SUSD4: variants seen among roughly 807,000 people sequenced by gnomAD.
The protein encoded by SUSD4 is sushi domain-containing protein 4.
In SUSD4, 41 loss-of-function variants were observed where a neutral mutation model predicts 50.5. The ratio of observed to expected loss-of-function variants is 0.81; its 90% CI spans 0.63 to 1.05. SUSD4 has a LOEUF of 1.05. Ranked by LOEUF, SUSD4 falls within the 50% of genes least tolerant of loss-of-function variation. The pLI is 0.00. For synonymous variants in SUSD4, 257 were observed against 257.3 expected (o/e 1.00, Z 0.01); for missense variants, 580 against 634.7 (o/e 0.91, Z 0.93).
chr1:223,357,630 C>T (rs1234597222), intron 2 of SUSD4, among the ~76,000 whole-genome samples: 2 of 152,120 alleles, frequency 1.3e-5, no homozygotes, highest in African/African-American at 2.4e-5. Context: ...TGAGTTGGTA[C>T]GTAATAAGCA....
chr1:223,324,157 G>A (rs1666742594), intron 2 of SUSD4, among the ~76,000 whole-genome samples: 1 of 146,702 alleles, frequency 6.8e-6, no homozygotes, highest in African/African-American at 2.6e-5. Context: ...ATCTAGTATG[G>A]CATCAGGCAC....
rs184371336 is a variant in SUSD4 at position 223,264,438 on chromosome 1, G to A, written c.724+192C>T. On this transcript the variant is annotated intron_variant, in intron 5 of 8. Transcript: ENST00000366878. ...TCTCCTCTTTAAGCCTAAGGATGAG[G>A]GAAGCAAGTTTTACATCTAATTGTA... is the stretch of plus-strand genomic sequence containing the variant. 22 of 1,332,802 alleles carry A rather than the reference G, an allele frequency of 1.7e-5. No individual in the cohort carries two copies. In the East Asian group the frequency reaches 4.9e-4, roughly 30 times the overall value. The allele number at this position is 1,332,802 out of a possible 1,614,324, so 82.6% of individuals were successfully genotyped here.
At chr1:223,348,705 C>A (rs754998479) in intron 2 of SUSD4, among the ~76,000 whole-genome samples, 1 of 152,122 alleles carries the variant, frequency 6.6e-6, no homozygotes, top group Non-Finnish European at 1.5e-5. Flanking sequence ...GTGCGTAAGC[C>A]CAAAACCTCA....
At chr1:223,304,811 T>C (rs1334424535) in intron 2 of SUSD4, among the ~76,000 whole-genome samples, 1 of 18,846 alleles carries the variant, frequency 5.3e-5, no homozygotes, top group Non-Finnish European at 1.3e-4. Flanking sequence ...TATATATATA[T>C]ATATATATAT....
intron 5 of SUSD4, among the ~76,000 whole-genome samples, chr1:223,234,506 A>G (rs919103255): frequency 6.6e-6 from 1 of 152,178 alleles, no homozygotes; most frequent in African/African-American, 2.4e-5. Flanking sequence ...AGCATCCAGC[A>G]TGATTCTTGA....
At chr1:223,340,868 G>C (rs1379455060) in intron 2 of SUSD4, among the ~76,000 whole-genome samples, 1 of 152,178 alleles carries the variant, frequency 6.6e-6, no homozygotes, top group Non-Finnish European at 1.5e-5. Context: ...TAAGCACTTA[G>C]CTGAAACTGA....
intron 2 of SUSD4, among the ~76,000 whole-genome samples, chr1:223,351,900 C>T (rs1045308708): frequency 2.0e-5 from 3 of 151,724 alleles, no homozygotes. Context: ...TGGACGTTAG[C>T]TTAGGCTACA....
chr1:223,356,826 A>G (rs1360949530), intron 2 of SUSD4, among the ~76,000 whole-genome samples: 1 of 152,250 alleles, frequency 6.6e-6, no homozygotes, highest in Non-Finnish European at 1.5e-5. Flanking sequence ...GAAAGCAAAA[A>G]AGAGAGAGAG....
At chr1:223,234,943 GAAC>G (rs1264560661) in intron 5 of SUSD4, 9 of 1,570,298 alleles carry the variant, frequency 5.7e-6, no homozygotes, top group Non-Finnish European at 7.7e-6. Flanking sequence ...TATTGCAGGA[GAAC>G]AACATTTAGA....
At chr1:223,364,918 C>T (rs1669234455), upstream of SUSD4, among the ~76,000 whole-genome samples, 1 of 152,146 alleles carries the variant, frequency 6.6e-6, no homozygotes. This position sits in a 1 kb window ranked among gnomAD's most constrained non-coding sequence, Gnocchi z 4.5. Flanking sequence ...GGCTGAGAGA[C>T]ACTCTCCCCC....
chr1:223,284,061 T>A lies in SUSD4; in HGVS notation c.361+8378A>T, dbSNP rs189044193. Among the ~76,000 whole-genome samples, 810 of 133,738 alleles carry A rather than the reference T, an allele frequency of 6.1e-3. 44 individuals carry two copies. In the East Asian group the frequency reaches 0.13, roughly 22 times the overall value. The allele number at this position is 133,738 out of a possible 152,430, so 87.7% of individuals were successfully genotyped here. ...ACACGTGGACACAGGAAGGGAAACA[T>A]CACACACCAGGGCCTGTTGTGGGAT... On this transcript the variant is annotated intron_variant, in intron 3 of 8. Coordinates refer to ENST00000366878, the MANE Select transcript of SUSD4 (RefSeq NM_017982.4).
chr1:223,236,935 T>C (rs2103014663), intron 5 of SUSD4, among the ~76,000 whole-genome samples: 1 of 152,232 alleles, frequency 6.6e-6, no homozygotes, highest in African/African-American at 2.4e-5. Flanking sequence ...ATAGAGCAAG[T>C]TGGGAAGAAC....
intron 3 of SUSD4, among the ~76,000 whole-genome samples, chr1:223,285,686 T>C (rs1664089887): frequency 6.6e-6 from 1 of 152,216 alleles, no homozygotes; most frequent in Non-Finnish European, 1.5e-5. Context: ...TCATGTCCTT[T>C]GCAGCAATAT....
rs1244755650 is a variant in SUSD4 at position 223,223,527 on chromosome 1, G to T, written c.1166C>A (p.Ala389Asp). The change falls in exon 8 of 9, where the codon GCC (alanine) becomes GAC (aspartate). Residue 389 changes from alanine (A) to aspartate (D), a missense_variant. Transcript: ENST00000366878. ...YDEAVSGGLS[A>D]LGPGYMASVG... ...AGAGGCCATGTACCCGGGGCCTAAG[G>T]CACTCAAGCCGCCACTCACAGCTTC... The T allele has an allele frequency of 1.2e-6, 2 of 1,612,208 alleles. No individual in the cohort carries two copies. The highest frequency in any genetic ancestry group is 1.7e-6 in the Non-Finnish European group (2 of 1,179,548).
At chr1:223,256,276 G>A (rs1036122226) in intron 5 of SUSD4, among the ~76,000 whole-genome samples, 6 of 152,192 alleles carry the variant, frequency 3.9e-5, no homozygotes, top group Admixed American at 2.0e-4. Context: ...GGAAGGCAGT[G>A]CAGTACAGGA....
In SUSD4 at chr1:223,227,870, C is replaced by T. The variant is rs1334486976; in HGVS notation, c.917-132G>A. On this transcript the variant is annotated intron_variant, in intron 6 of 8. Coordinates refer to ENST00000366878, the MANE Select transcript of SUSD4 (RefSeq NM_017982.4). The surrounding 1 kb of genome is among the most constrained non-coding windows in gnomAD (Gnocchi z 4.5). ...CAAGGTGCCTCTGACCCCCAGGGCT[C>T]GGCAGAGATACCATGTGCCCCTGTA... 13 of 1,165,450 alleles carry T rather than the reference C, an allele frequency of 1.1e-5. No homozygotes were observed. The highest frequency in any genetic ancestry group is 3.2e-5 in the South Asian group (2 of 62,820). The allele number at this position is 1,165,450 out of a possible 1,614,324, so 72.2% of individuals were successfully genotyped here. A position where few individuals can be genotyped will look rare whatever the true frequency, so the allele number is the denominator to read the frequency against.
intron 5 of SUSD4, among the ~76,000 whole-genome samples, chr1:223,243,900 G>GA (rs1437246567): frequency 6.6e-6 from 1 of 152,210 alleles, no homozygotes; most frequent in Non-Finnish European, 1.5e-5. Flanking sequence ...TGGACTTTCT[G>GA]AAATAAGAGC....
intron 2 of SUSD4, among the ~76,000 whole-genome samples, chr1:223,351,628 C>T (rs1668371558): frequency 6.6e-6 from 1 of 152,000 alleles, no homozygotes. Context: ...GTGGAAAGGC[C>T]AGCTGGAGGA....
chr1:223,259,959 G>T (rs995544339), intron 5 of SUSD4, among the ~76,000 whole-genome samples: 1 of 152,270 alleles, frequency 6.6e-6, no homozygotes, highest in East Asian at 1.9e-4. Flanking sequence ...GGAGTGAGAT[G>T]TTCAGAACTT....
Sources: allele counts gnomAD v4.1 joint callset (sites outside exome capture counted in the v4.1 genomes callset), GRCh38; gene constraint gnomAD v4.1.1; non-coding constraint Gnocchi (gnomAD v3.1); transcripts MANE v1.5; gene names NCBI Gene and HGNC (gene_info 2026-07-23, HGNC 2026-07-21).